ST6GALNAC3: variants seen among roughly 807,000 people sequenced by gnomAD.
ST6GALNAC3 encodes alpha-N-acetylgalactosaminide alpha-2,6-sialyltransferase 3.
Under a neutral mutation model 32.7 loss-of-function variants are expected in ST6GALNAC3, and 25 were observed. That is an observed-to-expected ratio of 0.76 (90% CI 0.56 to 1.07). The LOEUF (loss-of-function observed/expected upper bound fraction) is 1.07, where lower values mean the gene tolerates loss of function less well. Among genes scored for constraint, ST6GALNAC3 ranks in the 50% least tolerant of loss-of-function variants. The probability of loss-of-function intolerance (pLI) is 0.00; values close to 1 mark genes in which losing one functional copy is unlikely to be tolerated. For missense variants in ST6GALNAC3, 355 were observed against 382.4 expected, an observed-to-expected ratio of 0.93 and a Z score of 0.60; for synonymous variants, 129 against 133.1, an observed-to-expected ratio of 0.97 and a Z score of 0.21.
intron 3 of ST6GALNAC3, among the ~76,000 whole-genome samples, chr1:76,419,944 CTTTTT>C (rs66531652): frequency 1.4e-5 from 2 of 138,816 alleles, no homozygotes; most frequent in East Asian, 2.1e-4. Context: ...TTCTTTCTTT[CTTTTT>C]TTTTTTTTTG....
At chr1:76,421,784 T>C (rs1329990755) in intron 3 of ST6GALNAC3, among the ~76,000 whole-genome samples, 1 of 152,016 alleles carries the variant, frequency 6.6e-6, no homozygotes, top group Non-Finnish European at 1.5e-5. Flanking sequence ...AATTTGTATA[T>C]AGACTAAGAG....
intron 3 of ST6GALNAC3, among the ~76,000 whole-genome samples, chr1:76,485,979 G>T (rs1432612769): frequency 6.6e-6 from 1 of 152,072 alleles, no homozygotes; most frequent in Non-Finnish European, 1.5e-5. Flanking sequence ...ATTTTGTTAT[G>T]CACCCAGTAG....
intron 3 of ST6GALNAC3, among the ~76,000 whole-genome samples, chr1:76,527,096 G>C (rs1372183721): frequency 1.3e-5 from 2 of 152,202 alleles, no homozygotes; most frequent in Non-Finnish European, 2.9e-5. Flanking sequence ...ATTTGTAGGG[G>C]AGATTAGCTT....
At chr1:76,291,676 G>A (rs1660103093) in intron 1 of ST6GALNAC3, among the ~76,000 whole-genome samples, 1 of 151,974 alleles carries the variant, frequency 6.6e-6, no homozygotes, top group South Asian at 2.1e-4. Flanking sequence ...GAAAAGCATT[G>A]AAATTGCAAA....
intron 1 of ST6GALNAC3, among the ~76,000 whole-genome samples, chr1:76,131,152 A>G (rs1649583701): frequency 6.6e-6 from 1 of 152,200 alleles, no homozygotes; most frequent in South Asian, 2.1e-4. Context: ...CCTTCTCCGT[A>G]ATACTCTGTT....
intron 2 of ST6GALNAC3, among the ~76,000 whole-genome samples, chr1:76,315,627 T>G (rs1459701102): frequency 1.3e-5 from 2 of 152,160 alleles, no homozygotes; most frequent in African/African-American, 4.8e-5. Flanking sequence ...ACATAGTTAC[T>G]GGAAAGAATC....
At chr1:76,187,732 A>AAC (rs141057348) in intron 1 of ST6GALNAC3, among the ~76,000 whole-genome samples, 33 of 151,568 alleles carry the variant, frequency 2.2e-4, no homozygotes, top group African/African-American at 4.4e-4. Context: ...CCCCACTCCA[A>AAC]ACACACACAC....
chr1:76,220,271 AT>A (rs1326126026), intron 1 of ST6GALNAC3, among the ~76,000 whole-genome samples: 2 of 152,114 alleles, frequency 1.3e-5, no homozygotes, highest in Non-Finnish European at 2.9e-5. Context: ...CCTAATTTGT[AT>A]TTTTTAGGAG....
chr1:76,156,955 T>A (rs369836017), intron 1 of ST6GALNAC3, among the ~76,000 whole-genome samples: 43 of 152,310 alleles, frequency 2.8e-4, no homozygotes, highest in African/African-American at 9.9e-4. Flanking sequence ...ATGGTCTCAA[T>A]CTTCTGACCT....
In ST6GALNAC3 at chr1:76,140,949, G is replaced by A. The variant is rs577869620; in HGVS notation, c.18+66065G>A. ...ACCGTGCCCAGGCTTGTTTTTTATT[G>A]TACACTTAGGGACTTGCCTATGGTA... On this transcript the variant is annotated intron_variant, in intron 1 of 4. Transcript: ENST00000328299. Among the ~76,000 whole-genome samples, 568 of 151,660 alleles carry A rather than the reference G, an allele frequency of 3.7e-3. 4 individuals carry two copies. Among genetic ancestry groups the A allele is most frequent in the African/African-American group, 0.013 (545 of 41,328 alleles).
chr1:76,410,947 C>T (rs1242993928), intron 2 of ST6GALNAC3, among the ~76,000 whole-genome samples: 9 of 152,052 alleles, frequency 5.9e-5, no homozygotes, highest in Non-Finnish European at 4.4e-5. Context: ...ATACATAAAA[C>T]AAGGATAGTA....
rs149701619 is a variant in ST6GALNAC3, at chr1:76,211,003, C to T, written c.19-102802C>T. Among the ~76,000 whole-genome samples, 643 of 152,274 alleles carry T rather than the reference C, an allele frequency of 4.2e-3. 5 individuals are homozygous for T. Among genetic ancestry groups the T allele is most frequent in the African/African-American group, 0.015 (609 of 41,556 alleles). On this transcript the variant is annotated intron_variant, in intron 1 of 4. Transcript: ENST00000328299. ...CTTCCCAGAATGCTGGGATTACAGG[C>T]ATGAGCCATTGCACCCGGCCTCTCT...
At chr1:76,585,800 C>G (rs1368001007) in intron 3 of ST6GALNAC3, among the ~76,000 whole-genome samples, 1 of 152,114 alleles carries the variant, frequency 6.6e-6, no homozygotes, top group Non-Finnish European at 1.5e-5. Context: ...CAATCAAATA[C>G]CCAGTGGATT....
intron 1 of ST6GALNAC3, among the ~76,000 whole-genome samples, chr1:76,175,336 C>T (rs1652783300): frequency 6.6e-6 from 1 of 152,112 alleles, no homozygotes; most frequent in Admixed American, 6.5e-5. Flanking sequence ...ATTCTTTTTA[C>T]CATTTTTAAC....
intron 2 of ST6GALNAC3, among the ~76,000 whole-genome samples, chr1:76,332,889 G>T (rs1271675233): frequency 6.6e-6 from 1 of 152,030 alleles, no homozygotes; most frequent in Non-Finnish European, 1.5e-5. Flanking sequence ...GGTCTTTTCT[G>T]ATTGTCTTCT....
chr1:76,129,856 T>C (rs1452277726), intron 1 of ST6GALNAC3, among the ~76,000 whole-genome samples: 1 of 152,114 alleles, frequency 6.6e-6, no homozygotes, highest in East Asian at 1.9e-4. Flanking sequence ...AAAGATCCAG[T>C]GTGATCCATC....
chr1:76,309,155 TG>T (rs1269126539), intron 1 of ST6GALNAC3, among the ~76,000 whole-genome samples: 2 of 152,164 alleles, frequency 1.3e-5, no homozygotes, highest in African/African-American at 4.8e-5. Flanking sequence ...CAGCACCCTG[TG>T]TATACCCACA....
chr1:76,610,014 A>AT (rs1438070403), intron 3 of ST6GALNAC3, among the ~76,000 whole-genome samples: 3 of 151,898 alleles, frequency 2.0e-5, no homozygotes, highest in Non-Finnish European at 2.9e-5. Flanking sequence ...ATGTACTGTC[A>AT]TTTTTTTGTC....
rs1465110240 is a variant in ST6GALNAC3, at chr1:76,139,118, C to T, written c.18+64234C>T. ...CTGAGGCAGGAGAATGGCGTGAACC[C>T]GGGAGGCGGAGCTTGCTGTGAGCCG... is the stretch of plus-strand genomic sequence containing the variant. On this transcript the variant is annotated intron_variant, in intron 1 of 4. Coordinates refer to ENST00000328299, the MANE Select transcript of ST6GALNAC3 (RefSeq NM_152996.4). Among the ~76,000 whole-genome samples the T allele has an allele frequency of 2.0e-5, 3 of 151,858 alleles. No homozygotes were observed. The East Asian group carries it at 5.8e-4, about 30-fold the overall frequency.
Sources: allele counts gnomAD v4.1 joint callset (sites outside exome capture counted in the v4.1 genomes callset), GRCh38; gene constraint gnomAD v4.1.1; transcripts MANE v1.5; gene names NCBI Gene and HGNC (gene_info 2026-07-23, HGNC 2026-07-21).